Variants in IRAK2 observed in about 807,000 individuals in gnomAD.
IRAK2 encodes the protein interleukin 1 receptor associated kinase 2, also known as interleukin-1 receptor-associated kinase-like 2.
In IRAK2, 57 loss-of-function variants were observed where a neutral mutation model predicts 72.0. That is an observed-to-expected ratio of 0.79 (90% CI 0.64 to 0.99). The LOEUF is 0.99. IRAK2 is among the 50% of genes least tolerant of loss of function. IRAK2 has a pLI of 0.00. For missense variants in IRAK2, 790 were observed against 794.4 expected (o/e 0.99, Z 0.07); for synonymous variants, 293 against 312.7 (o/e 0.94, Z 0.67).
intron 2 of IRAK2, among the ~76,000 whole-genome samples, chr3:10,188,419 C>G (rs1275290659): frequency 6.6e-6 from 1 of 152,248 alleles, no homozygotes; most frequent in Non-Finnish European, 1.5e-5. Flanking sequence ...ACTGCAACCT[C>G]CGCCTCCCGG....
At position 10,196,577 on chromosome 3, in the gene IRAK2, T is replaced by C. The variant is rs367648628; in HGVS notation, c.278-3792T>C. ...GGCCTTGGCCTGATGGCAATCAGGA[T>C]GGGGGGGTGTGGCCTATAGAACCAC... On this transcript the variant is annotated intron_variant, in intron 2 of 12. Coordinates refer to ENST00000256458, the MANE Select transcript of IRAK2 (RefSeq NM_001570.4). Among the ~76,000 whole-genome samples the C allele has an allele frequency of 2.0e-5, 3 of 152,282 alleles. No individual in the cohort carries two copies. The East Asian group carries it at 5.8e-4, about 29-fold the overall frequency.
chr3:10,177,414 C>T (rs1441762524), intron 1 of IRAK2, among the ~76,000 whole-genome samples: 1 of 152,186 alleles, frequency 6.6e-6, no homozygotes, highest in Non-Finnish European at 1.5e-5. Context: ...CCTGGCCCCA[C>T]CTCCACTCTG....
At chr3:10,210,552 GC>G (rs1405438014) in intron 4 of IRAK2, among the ~76,000 whole-genome samples, 2 of 152,136 alleles carry the variant, frequency 1.3e-5, no homozygotes, top group African/African-American at 4.8e-5. Context: ...TGCATCCAGT[GC>G]CTGGGGGAGA....
At position 10,236,341 on chromosome 3, in the gene IRAK2, G is replaced by GTTTTTTTTTT. The variant is rs1338122281; in HGVS notation, c.1473+1682_1473+1683insTTTTTTTTTT. ...GTAAGGATTTTTGCAGAGCCACTAAGGTTTTTTTTTTTTTTTTTTTTTTTT... is the reference window on the plus strand; with the variant it reads ...GTAAGGATTTTTGCAGAGCCACTAAGTTTTTTTTTTGTTTTTTTTTTTTTTTTTTTTTTTT... On this transcript the variant is annotated intron_variant, in intron 11 of 12. Transcript: ENST00000256458. Among the ~76,000 whole-genome samples the GTTTTTTTTTT allele has an allele frequency of 4.3e-4, 54 of 125,254 alleles. 1 individual carries two copies. The highest frequency in any genetic ancestry group is 1.6e-3 in the African/African-American group (52 of 32,208). 82.2% of individuals were successfully genotyped at this position (125,254 alleles called of 152,430 possible).
chr3:10,192,276 C>T (rs1012938094), intron 2 of IRAK2, among the ~76,000 whole-genome samples: 14 of 152,120 alleles, frequency 9.2e-5, no homozygotes, highest in African/African-American at 1.9e-4. Context: ...TGTAGTTTGA[C>T]GGGCGTGAAG....
chr3:10,175,069 G>A (rs1302195858), intron 1 of IRAK2, among the ~76,000 whole-genome samples: 2 of 151,608 alleles, frequency 1.3e-5, no homozygotes, highest in Non-Finnish European at 2.9e-5. Flanking sequence ...CATGCCACCT[G>A]GGCAACAGAG....
Position 10,189,734 on chromosome 3 carries a change from A to G in IRAK2, c.278-10635A>G, listed in dbSNP as rs538839980. ...TGGAAAATTTGGGGCTGCTATGTAA[A>G]ATGAAACAGAAGAGAATGAACCCTT... On this transcript the variant is annotated intron_variant, in intron 2 of 12. Coordinates refer to ENST00000256458, the MANE Select transcript of IRAK2 (RefSeq NM_001570.4). 2.0e-5 allele frequency among the ~76,000 whole-genome samples: 3 copies of G among 152,188 alleles called. No homozygotes were observed. The South Asian group carries it at 6.2e-4, about 32-fold the overall frequency.
At chr3:10,208,623 T>C (rs373525125) in intron 3 of IRAK2, among the ~76,000 whole-genome samples, 9 of 150,598 alleles carry the variant, frequency 6.0e-5, no homozygotes, top group South Asian at 2.1e-4. Context: ...ATTAGCTGGG[T>C]GTGGTGGCGG....
At chr3:10,235,390 C>T (rs1189329392) in intron 11 of IRAK2, among the ~76,000 whole-genome samples, 2 of 151,994 alleles carry the variant, frequency 1.3e-5, no homozygotes, top group African/African-American at 2.4e-5. Context: ...CTTCGCCTCC[C>T]GGGTTCAAGT....
At chr3:10,208,175 A>T (rs770485609) in intron 3 of IRAK2, among the ~76,000 whole-genome samples, 6 of 151,768 alleles carry the variant, frequency 4.0e-5, no homozygotes, top group African/African-American at 1.2e-4. Context: ...CCTTGGCCAA[A>T]GGCCAAGGCC....
At chr3:10,185,017 C>G (rs1304601972) in intron 2 of IRAK2, among the ~76,000 whole-genome samples, 1 of 150,910 alleles carries the variant, frequency 6.6e-6, no homozygotes, top group Non-Finnish European at 1.5e-5. Context: ...AGGCGTGAGC[C>G]CCTGCGCCGG....
chr3:10,186,787 T>G (rs1362819560), intron 2 of IRAK2, among the ~76,000 whole-genome samples: 1 of 147,678 alleles, frequency 6.8e-6, no homozygotes, highest in Non-Finnish European at 1.5e-5. Flanking sequence ...TCTTTCCTTT[T>G]TTTTTTTTTT....
chr3:10,216,443 G>A (rs1222557073), intron 6 of IRAK2, among the ~76,000 whole-genome samples: 1 of 152,104 alleles, frequency 6.6e-6, no homozygotes. Flanking sequence ...AACAAGATGA[G>A]GAGTCCAGCT....
intron 6 of IRAK2, 97 bp downstream of exon 6, chr3:10,213,645 C>G (rs1043111132): frequency 1.1e-6 from 1 of 888,096 alleles, no homozygotes; most frequent in Non-Finnish European, 1.9e-6. Context: ...TATATATAAA[C>G]TCATTTAGTC....
At chr3:10,165,297 G>C (rs11465853) in intron 1 of IRAK2, among the ~76,000 whole-genome samples, 48,824 of 151,936 alleles carry the variant, frequency 0.32, 7,914 homozygotes, top group East Asian at 0.43. Flanking sequence ...CCAGAGAACG[G>C]TGGGTACGGG....
At chr3:10,174,305 G>A (rs1409067623) in intron 1 of IRAK2, among the ~76,000 whole-genome samples, 1 of 152,080 alleles carries the variant, frequency 6.6e-6, no homozygotes, top group East Asian at 1.9e-4. Context: ...GCAGGAGACT[G>A]TCACCAGCCC....
At chr3:10,217,108 G>A (rs1697617577) in intron 7 of IRAK2, 60 bp downstream of exon 7, 5 of 1,262,640 alleles carry the variant, frequency 4.0e-6, no homozygotes, top group Non-Finnish European at 5.8e-6. Context: ...ATGGGGTCAA[G>A]GGTTAAGGAC....
chr3:10,177,909 A>G lies in IRAK2; in HGVS notation c.166A>G (p.Ile56Val). 6.2e-7 allele frequency: 1 copy of G among 1,613,968 alleles called. No individual in the cohort carries two copies. The highest frequency in any genetic ancestry group is 8.5e-7 in the Non-Finnish European group (1 of 1,180,044). The change falls in exon 2 of 13, where the codon ATC becomes GTC. Residue 56 changes from isoleucine (I) to valine (V), a missense_variant. Ile to Val is a conservative substitution (Grantham distance 29, BLOSUM62 3). Coordinates refer to ENST00000256458, the MANE Select transcript of IRAK2 (RefSeq NM_001570.4). ...CATGGAGCGGGTGCAGGGTGTGAGC[A>G]TCACGCGGGAGCTGCTGTGGTGGTG... ...KSMERVQGVS[I>V]TRELLWWWGM...
At chr3:10,194,888 G>A (rs1254806221) in intron 2 of IRAK2, among the ~76,000 whole-genome samples, 2 of 152,214 alleles carry the variant, frequency 1.3e-5, no homozygotes, top group Non-Finnish European at 2.9e-5. Context: ...ATGGGGCTCT[G>A]TTGGCTTACA....
Sources: gnomAD v4.1 joint callset for allele counts (sites outside exome capture counted in the v4.1 genomes callset) on GRCh38, gnomAD v4.1.1 for gene constraint, MANE v1.5 for transcripts, NCBI Gene and HGNC (gene_info 2026-07-23, HGNC 2026-07-21) for gene names.